The following HMGN5 variants were observed in gnomAD, a reference collection of about 807,000 sequenced individuals.
The protein encoded by HMGN5 is high mobility group nucleosome-binding domain-containing protein 5.
In HMGN5, 4 loss-of-function variants were observed where a neutral mutation model predicts 9.5. The ratio of observed to expected loss-of-function variants is 0.42; its 90% CI spans 0.21 to 0.96. The LOEUF is 0.96. Ranked by LOEUF, HMGN5 falls within the 40% of genes least tolerant of loss-of-function variation. The probability of loss-of-function intolerance (pLI) is 0.30; values close to 1 mark genes in which losing one functional copy is unlikely to be tolerated. For synonymous variants in HMGN5, 55 were observed against 57.1 expected, an observed-to-expected ratio of 0.96 and a Z score of 0.16; for missense variants, 192 against 187.5, an observed-to-expected ratio of 1.02 and a Z score of -0.14.
rs748748293 is a variant in HMGN5, at chrX:81,181,926, C to T, written c.-124+19811G>A. The stretch of plus-strand genomic sequence containing the variant: ...AAACATGAGAGTACAGATATCTCTT[C>T]GATATACTGATTTCCTTTCTTTTTG... On this transcript the variant is annotated intron_variant, in intron 1 of 6. Transcript: ENST00000358130. Among the ~76,000 whole-genome samples the T allele has an allele frequency of 9.8e-5, 11 of 111,864 alleles. No individual in the cohort carries two copies. In the South Asian group the frequency reaches 1.1e-3, roughly 11 times the overall value.
At chrX:81,153,937 C>A (rs1030237614) in intron 1 of HMGN5, among the ~76,000 whole-genome samples, 4 of 108,001 alleles carry the variant, frequency 3.7e-5, no homozygotes, top group Admixed American at 2.0e-4. Flanking sequence ...AAAATGTCCA[C>A]ACTACCCTAA....
chrX:81,194,413 A>G (rs745761210), intron 1 of HMGN5, among the ~76,000 whole-genome samples: 5 of 111,849 alleles, frequency 4.5e-5, no homozygotes, highest in Non-Finnish European at 9.4e-5. Context: ...AGGAATAGAG[A>G]CAAAAAAATA....
intron 1 of HMGN5, among the ~76,000 whole-genome samples, chrX:81,144,657 T>C (rs943239406): frequency 4.5e-5 from 5 of 111,537 alleles, no homozygotes; most frequent in South Asian, 3.8e-4. Flanking sequence ...GTTTGATGAA[T>C]TGACAGAAGC....
chrX:81,128,967 G>T (rs1052104700), intron 1 of HMGN5, among the ~76,000 whole-genome samples: 6 of 111,747 alleles, frequency 5.4e-5, no homozygotes, highest in African/African-American at 1.9e-4. Flanking sequence ...CACTGGCTAG[G>T]TTCTTGAAAT....
At chrX:81,149,008 GA>G (rs1178996381) in intron 1 of HMGN5, among the ~76,000 whole-genome samples, 1 of 111,740 alleles carries the variant, frequency 8.9e-6, no homozygotes, top group Non-Finnish European at 1.9e-5. Context: ...GGAGAAATAG[GA>G]ACACTTTTAC....
Position 81,117,183 on chromosome X carries a change from C to A in HMGN5, c.130-842G>T, listed in dbSNP as rs189592904. ...TCTTTTAACACATGAGAAACAGAGC[C>A]AAGGAGGGTAAAGTCTATGGTTATA... On this transcript the variant is annotated intron_variant, in intron 5 of 6. Coordinates refer to ENST00000358130, the MANE Select transcript of HMGN5 (RefSeq NM_030763.3). Among the ~76,000 whole-genome samples the A allele has an allele frequency of 5.8e-3, 642 of 110,062 alleles. 6 individuals are homozygous for A. The highest frequency in any genetic ancestry group is 0.02 in the African/African-American group (604 of 30,272).
At chrX:81,160,837 G>A (rs1415567389) in intron 1 of HMGN5, among the ~76,000 whole-genome samples, 3 of 111,293 alleles carry the variant, frequency 2.7e-5, no homozygotes, top group African/African-American at 9.8e-5. Context: ...CAGACTTTTT[G>A]AGTGGACATC....
At chrX:81,167,876 A>ATT (rs368359651) in intron 1 of HMGN5, among the ~76,000 whole-genome samples, 1 of 109,017 alleles carries the variant, frequency 9.2e-6, no homozygotes, top group African/African-American at 3.3e-5. Context: ...TTAGACCTGG[A>ATT]TTTTTTTTTT....
chrX:81,145,618 A>G (rs947823936), intron 1 of HMGN5, among the ~76,000 whole-genome samples: 2 of 111,906 alleles, frequency 1.8e-5, no homozygotes, highest in Admixed American at 9.5e-5. Context: ...ACCAGCTAGC[A>G]TCATAATGAC....
intron 1 of HMGN5, among the ~76,000 whole-genome samples, chrX:81,178,513 G>T (rs1362544221): frequency 9.0e-6 from 1 of 111,633 alleles, no homozygotes; most frequent in Non-Finnish European, 1.9e-5. Context: ...AAACCAGGAA[G>T]AATTTGAATC....
chrX:81,129,232 C>T (rs746696762), intron 1 of HMGN5, among the ~76,000 whole-genome samples: 1 of 111,848 alleles, frequency 8.9e-6, no homozygotes, highest in South Asian at 3.7e-4. Flanking sequence ...GTGGCAAGAA[C>T]TGGCACTGGA....
intron 1 of HMGN5, among the ~76,000 whole-genome samples, chrX:81,196,185 G>A (rs1343874318): frequency 1.8e-5 from 2 of 111,201 alleles, no homozygotes; most frequent in Non-Finnish European, 3.8e-5. Flanking sequence ...ACATATTTAT[G>A]TGTTAATGTG....
chrX:81,119,299 CAAT>C (rs756324148), intron 3 of HMGN5, among the ~76,000 whole-genome samples: 22 of 111,740 alleles, frequency 2.0e-4, no homozygotes, highest in African/African-American at 7.1e-4. Context: ...TGTCGCACAA[CAAT>C]GATTCTCGCT....
intron 1 of HMGN5, among the ~76,000 whole-genome samples, chrX:81,134,168 G>A (rs1602560954): frequency 1.8e-5 from 2 of 111,061 alleles, no homozygotes; most frequent in South Asian, 7.5e-4. Flanking sequence ...GCTGACTACT[G>A]AATTTTGGTC....
intron 1 of HMGN5, among the ~76,000 whole-genome samples, chrX:81,165,491 T>C (rs2075408706): frequency 9.0e-6 from 1 of 111,251 alleles, no homozygotes; most frequent in Admixed American, 9.7e-5. Context: ...TTACTTGTCT[T>C]ATACACATTA....
chrX:81,147,303 C>T (rs2147559086), intron 1 of HMGN5, among the ~76,000 whole-genome samples: 1 of 111,788 alleles, frequency 8.9e-6, no homozygotes, highest in African/African-American at 3.2e-5. Context: ...CCACCATGAT[C>T]AAGTTGGCTT....
At chrX:81,115,390 T>A (rs1158078570) in intron 6 of HMGN5, among the ~76,000 whole-genome samples, 160 bp from the exon 7 acceptor site, 5 of 112,100 alleles carry the variant, frequency 4.5e-5, no homozygotes, top group Non-Finnish European at 7.5e-5. Flanking sequence ...TATCACATTA[T>A]GAGAAAACAT....
intron 1 of HMGN5, among the ~76,000 whole-genome samples, chrX:81,185,715 G>A (rs1282754833): frequency 9.0e-6 from 1 of 111,326 alleles, no homozygotes; most frequent in Admixed American, 9.6e-5. Flanking sequence ...ATGACTTTCA[G>A]TTTTTCCTCA....
At chrX:81,196,695 C>G (rs1200962149) in intron 1 of HMGN5, among the ~76,000 whole-genome samples, 3 of 110,275 alleles carry the variant, frequency 2.7e-5, no homozygotes, top group African/African-American at 9.9e-5. Flanking sequence ...GCGGCCACCA[C>G]CACGCCTGGC....
Sources: allele counts gnomAD v4.1 joint callset (sites outside exome capture counted in the v4.1 genomes callset), GRCh38; gene constraint gnomAD v4.1.1; transcripts MANE v1.5; gene names NCBI Gene and HGNC (gene_info 2026-07-23, HGNC 2026-07-21).